Variants in DST observed in about 807,000 individuals in gnomAD.
The protein encoded by DST is dystonin.
In DST, 253 loss-of-function variants were observed where a neutral mutation model predicts 875.2. That is an observed-to-expected ratio of 0.29 (90% CI 0.26 to 0.32). DST has a LOEUF of 0.32. Ranked by LOEUF, DST falls within the 10% of genes least tolerant of loss-of-function variation. The pLI, the probability that DST is intolerant of heterozygous loss-of-function variation, is 1.00. For missense variants in DST, 8,287 were observed against 9,111.6 expected, an observed-to-expected ratio of 0.91 and a Z score of 3.68; for synonymous variants, 3,124 against 3,197.1, an observed-to-expected ratio of 0.98 and a Z score of 0.77.
intron 36 of DST, chr6:56,617,069 A>G (rs1291892894): frequency 6.2e-7 from 1 of 1,614,074 alleles, no homozygotes; most frequent in South Asian, 1.1e-5. Flanking sequence ...GGCTTTCGTC[A>G]GAAACTTGTT....
At chr6:56,809,944 C>T (rs888403990) in intron 4 of DST, among the ~76,000 whole-genome samples, 1 of 151,994 alleles carries the variant, frequency 6.6e-6, no homozygotes, top group Non-Finnish European at 1.5e-5. Context: ...TTTTTGTCTC[C>T]TAGTAGCACT....
chr6:56,700,776 A>C (rs2099298194), intron 8 of DST, among the ~76,000 whole-genome samples: 1 of 152,202 alleles, frequency 6.6e-6, no homozygotes, highest in Non-Finnish European at 1.5e-5. Context: ...GCTGCCAGAA[A>C]ACATTTCAGA....
At chr6:56,759,259 C>T (rs2099611660) in intron 4 of DST, among the ~76,000 whole-genome samples, 1 of 152,070 alleles carries the variant, frequency 6.6e-6, no homozygotes, top group African/African-American at 2.4e-5. Context: ...GAGAGCCTGG[C>T]CAACATGGTG....
Position 56,532,444 on chromosome 6 carries a change from T to C in DST, c.17008A>G (p.Ile5670Val), listed in dbSNP as rs756887856. ...TCTGCGGGCTCTGCTGTTGTAGCAA[T>C]TTTTTCTCCTTCTCGTTTGATTACC... ...VEVIKREGEK[I>V]ATTAEPADKV... Residue 5670 changes from isoleucine to valine, a missense_variant, in exon 64 of 104, where the codon ATT becomes GTT. Transcript: ENST00000680361. 4.3e-6 allele frequency: 7 copies of C among 1,612,496 alleles called. No individual in the cohort carries two copies.
rs909292835 is a variant in DST at position 56,824,291 on chromosome 6, G to A, written c.625+27106C>T. Among the ~76,000 whole-genome samples the A allele has an allele frequency of 6.6e-5, 10 of 152,316 alleles. 1 individual carries two copies. In the South Asian group the frequency reaches 1.5e-3, roughly 22 times the overall value. On this transcript the variant is annotated intron_variant, in intron 4 of 103. Coordinates refer to ENST00000680361, the MANE Select transcript of DST (RefSeq NM_001374736.1). ...CTCTCGAGGTGCCGGGATTGCAGAC[G>A]GAGTCTCGTTCACTCAGTGCTCAAT...
intron 34 of DST, 56 bp from the exon 35 acceptor site, chr6:56,625,320 T>C (rs1586986754): frequency 9.1e-7 from 1 of 1,096,164 alleles, no homozygotes; most frequent in Non-Finnish European, 1.4e-6. Context: ...TAGAGTTTCA[T>C]TCTACAATAA....
At chr6:56,909,550 G>C (rs1797935886) in intron 2 of DST, among the ~76,000 whole-genome samples, 1 of 152,170 alleles carries the variant, frequency 6.6e-6, no homozygotes, top group South Asian at 2.1e-4. Context: ...AAACAGATTT[G>C]TATTTTGTTT....
In DST at chr6:56,573,791, T is replaced by C. The variant is rs776045840; in HGVS notation, c.13124A>G (p.Asp4375Gly). ...ITLTRSLSVQDGLDEMLDWMG... is the reference protein window; with the variant it reads ...ITLTRSLSVQGGLDEMLDWMG... ...CCAGTCCAGCATTTCATCCAAGCCATCCTGCACACTCAGTGAACGGGTCAA... is the reference window on the plus strand; with the variant it reads ...CCAGTCCAGCATTTCATCCAAGCCACCCTGCACACTCAGTGAACGGGTCAA... The change falls in exon 51 of 104, where the codon GAT (aspartate) becomes GGT (glycine). Residue 4375 changes from aspartate (D) to glycine (G), a missense_variant. By Grantham distance (94) the Asp-to-Gly change is moderately conservative. Transcript: ENST00000680361. The C allele has an allele frequency of 4.3e-6, 7 of 1,613,526 alleles. No individual in the cohort carries two copies. The East Asian group carries it at 8.9e-5, about 21-fold the overall frequency.
intron 61 of DST, among the ~76,000 whole-genome samples, chr6:56,546,773 GTC>G (rs948295310): frequency 4.6e-5 from 7 of 151,922 alleles, no homozygotes; most frequent in African/African-American, 1.7e-4. Flanking sequence ...ATTCTTCTCT[GTC>G]TCTCTCTCAC....
Position 56,642,037 on chromosome 6 carries a change from A to G in DST, c.1937T>C (p.Leu646Pro). Residue 646 changes from leucine to proline, a missense_variant, in exon 17 of 104, where the codon CTT (leucine) becomes CCT (proline). Physicochemically the swap from Leu to Pro is moderately conservative, Grantham distance 98. This residue lies in a region of DST where 1,160 missense variants were observed against 1,424.3 expected (regional missense o/e 0.81). Coordinates refer to ENST00000680361, the MANE Select transcript of DST (RefSeq NM_001374736.1). The stretch of plus-strand genomic sequence containing the variant: ...CTGGCGTAAAAGGTTCTCACATTCA[A>G]GTATATACCCAGCAATTTCTGCTTC... ...QNEAEIAGYI[L>P]ECENLLRQHV... 1 of 1,612,550 alleles carries G rather than the reference A, an allele frequency of 6.2e-7. No homozygotes were observed. The highest frequency in any genetic ancestry group is 8.5e-7 in the Non-Finnish European group (1 of 1,178,754).
At chr6:56,491,112 T>C (rs1385095680) in intron 85 of DST, among the ~76,000 whole-genome samples, 1 of 152,174 alleles carries the variant, frequency 6.6e-6, no homozygotes, top group Non-Finnish European at 1.5e-5. Flanking sequence ...ACATTAGAGA[T>C]GGAGTATATC....
intron 3 of DST, among the ~76,000 whole-genome samples, chr6:56,884,885 C>T (rs142817034): frequency 3.9e-5 from 6 of 152,212 alleles, no homozygotes; most frequent in East Asian, 1.9e-4. Flanking sequence ...CGTGCCACCA[C>T]GCCAGGCTAA....
intron 49 of DST, among the ~76,000 whole-genome samples, chr6:56,583,860 T>C (rs1420753482): frequency 6.6e-6 from 1 of 152,216 alleles, no homozygotes; most frequent in Non-Finnish European, 1.5e-5. Context: ...GGGAATCCTT[T>C]CCCCATTGCT....
chr6:56,602,752 G>A (rs1194187386), intron 43 of DST, 130 bp downstream of exon 43: 5 of 625,724 alleles, frequency 8.0e-6, no homozygotes, highest in Non-Finnish European at 1.2e-5. Context: ...TATGAATAAA[G>A]ACATCTCTAG....
chr6:56,792,959 C>CTCAG (rs1169703655), intron 4 of DST, among the ~76,000 whole-genome samples: 5 of 149,010 alleles, frequency 3.4e-5, no homozygotes, highest in African/African-American at 1.2e-4. Flanking sequence ...GTCCCAGCTA[C>CTCAG]TCAGAGGCTG....
Position 56,568,508 on chromosome 6 carries a change from C to T in DST, c.13966G>A (p.Val4656Met). Residue 4656 changes from valine to methionine, a missense_variant, in exon 55 of 104, where the codon GTG becomes ATG. This residue lies in a region of DST where 1,513 missense variants were observed against 1,677.8 expected (regional missense o/e 0.90). Transcript: ENST00000680361. ...GISLCNLISAVTTPAKAIAAV... is the reference protein window; with the variant it reads ...GISLCNLISAMTTPAKAIAAV... Reference sequence around the variant, plus strand: ...GCTATTGCCTTTGCAGGGGTGGTCACAGCACTTATTAAGTTACATAGTGAG... The same window carrying T: ...GCTATTGCCTTTGCAGGGGTGGTCATAGCACTTATTAAGTTACATAGTGAG... 1 of 1,612,046 alleles carries T rather than the reference C, an allele frequency of 6.2e-7. No homozygotes were observed. The highest frequency in any genetic ancestry group is 8.5e-7 in the Non-Finnish European group (1 of 1,179,296).
At chr6:56,875,214 G>T (rs1190144225) in intron 3 of DST, among the ~76,000 whole-genome samples, 1 of 152,116 alleles carries the variant, frequency 6.6e-6, no homozygotes, top group Non-Finnish European at 1.5e-5. Context: ...TCGATCTCCT[G>T]GCCTCGTGAT....
chr6:56,613,709 C>A (rs2098576838), intron 37 of DST, among the ~76,000 whole-genome samples: 1 of 152,180 alleles, frequency 6.6e-6, no homozygotes, highest in South Asian at 2.1e-4. Context: ...ATCCTAAGAG[C>A]TTTAAGTGGT....
At chr6:56,904,423 T>C (rs897755719) in intron 2 of DST, among the ~76,000 whole-genome samples, 1 of 152,250 alleles carries the variant, frequency 6.6e-6, no homozygotes, top group Non-Finnish European at 1.5e-5. Context: ...GTCAAATGCA[T>C]ATAACAATAC....
Sources: gnomAD v4.1 joint callset for allele counts (sites outside exome capture counted in the v4.1 genomes callset) on GRCh38, gnomAD v4.1.1 for gene constraint, gnomAD v4.1.1 regional missense constraint, MANE v1.5 for transcripts, NCBI Gene and HGNC (gene_info 2026-07-23, HGNC 2026-07-21) for gene names.